FAM168A: variants seen among roughly 807,000 people sequenced by gnomAD.
The protein encoded by FAM168A is family with sequence similarity 168 member A.
Under a neutral mutation model 28.5 loss-of-function variants are expected in FAM168A, and 3 were observed. The ratio of observed to expected loss-of-function variants is 0.11; its 90% CI spans 0.05 to 0.27. The LOEUF (loss-of-function observed/expected upper bound fraction) is 0.27, where lower values mean the gene tolerates loss of function less well. Among genes scored for constraint, FAM168A ranks in the 10% least tolerant of loss-of-function variants. The pLI, the probability that FAM168A is intolerant of heterozygous loss-of-function variation, is 1.00. For missense variants in FAM168A, 222 were observed against 311.5 expected (o/e 0.71, Z 2.16); for synonymous variants, 122 against 124.2 (o/e 0.98, Z 0.12).
At chr11:73,548,952 T>C (rs563159281) in intron 1 of FAM168A, among the ~76,000 whole-genome samples, 3 of 151,952 alleles carry the variant, frequency 2.0e-5, no homozygotes, top group South Asian at 2.1e-4. Context: ...ACATTTCTCT[T>C]TTTTTTTGAG....
chr11:73,410,438 A>G (rs986164310), intron 5 of FAM168A: 2 of 152,068 alleles, frequency 1.3e-5, no homozygotes, highest in African/African-American at 4.8e-5. Context: ...AAAGGCATAC[A>G]TGGATAGCAT....
At chr11:73,537,066 T>C (rs1430739549) in intron 1 of FAM168A, among the ~76,000 whole-genome samples, 2 of 152,144 alleles carry the variant, frequency 1.3e-5, no homozygotes, top group Non-Finnish European at 2.9e-5. Flanking sequence ...CAAAACATGG[T>C]GCTTGAGAAG....
intron 1 of FAM168A, among the ~76,000 whole-genome samples, chr11:73,597,025 T>C (rs1944445985): frequency 6.6e-6 from 1 of 152,134 alleles, no homozygotes; most frequent in Non-Finnish European, 1.5e-5. Context: ...GCCTTGACTC[T>C]GCAACCAAGG....
chr11:73,540,456 A>T (rs1943639607), intron 1 of FAM168A, among the ~76,000 whole-genome samples: 1 of 151,574 alleles, frequency 6.6e-6, no homozygotes, highest in Non-Finnish European at 1.5e-5. Flanking sequence ...ACTAACCCCC[A>T]CTCCCACCCC....
chr11:73,438,784 A>G (rs1217339898), intron 2 of FAM168A, among the ~76,000 whole-genome samples: 6 of 152,208 alleles, frequency 3.9e-5, no homozygotes, highest in African/African-American at 1.4e-4. Flanking sequence ...AAGCTAAAAC[A>G]CTAGCAATAG....
intron 2 of FAM168A, among the ~76,000 whole-genome samples, chr11:73,450,881 G>C (rs1740376878): frequency 6.6e-6 from 1 of 152,170 alleles, no homozygotes; most frequent in South Asian, 2.1e-4. Flanking sequence ...CAAGTCTACA[G>C]TGGAGGTTCT....
intron 1 of FAM168A, among the ~76,000 whole-genome samples, chr11:73,555,917 T>C (rs1196617950): frequency 2.0e-5 from 3 of 152,026 alleles, no homozygotes; most frequent in Non-Finnish European, 4.4e-5. Context: ...CTAAAAATAG[T>C]GGGCATAAAG....
chr11:73,407,735 C>T (rs1169364807), intron 6 of FAM168A, 92 bp from the exon 7 acceptor site: 1 of 1,042,060 alleles, frequency 9.6e-7, no homozygotes, highest in East Asian at 2.7e-5. Context: ...CATGGCTGCT[C>T]CCTCTGCCCA....
chr11:73,429,183 T>G (rs1866940754), intron 3 of FAM168A, among the ~76,000 whole-genome samples: 1 of 152,082 alleles, frequency 6.6e-6, no homozygotes, highest in African/African-American at 2.4e-5. Flanking sequence ...TATTCTTTTC[T>G]CCTTTAAGTA....
At chr11:73,491,069 G>T (rs911285811) in intron 1 of FAM168A, among the ~76,000 whole-genome samples, 2 of 152,114 alleles carry the variant, frequency 1.3e-5, no homozygotes, top group African/African-American at 4.8e-5. Context: ...ACTAATTTCA[G>T]TTGGCCTCAC....
intron 2 of FAM168A, among the ~76,000 whole-genome samples, chr11:73,438,407 G>A (rs949032160): frequency 3.9e-5 from 6 of 152,142 alleles, no homozygotes; most frequent in African/African-American, 1.4e-4. Flanking sequence ...GTTTGTCAAG[G>A]TGCGGAGGGG....
Position 73,498,258 on chromosome 11 carries a change from T to C in FAM168A, c.-18-29766A>G, listed in dbSNP as rs535640488. 3.7e-3 allele frequency among the ~76,000 whole-genome samples: 559 copies of C among 151,808 alleles called. 3 individuals are homozygous for C. The highest frequency in any genetic ancestry group is 0.013 in the African/African-American group (526 of 41,380). The stretch of plus-strand genomic sequence containing the variant: ...TTGACTAGAAGGCTGGCGTGACCCA[T>C]GGAGAAAAGGAAGAGCAGTGCGGTA... On this transcript the variant is annotated intron_variant, in intron 1 of 7. Transcript: ENST00000356467.
chr11:73,511,294 G>A (rs11235784), intron 1 of FAM168A, among the ~76,000 whole-genome samples: 3 of 151,644 alleles, frequency 2.0e-5, no homozygotes, highest in Non-Finnish European at 2.9e-5. Context: ...CTGGAGTGCA[G>A]TGTGCGATCT....
chr11:73,516,015 C>T (rs575816524), intron 1 of FAM168A, among the ~76,000 whole-genome samples: 15 of 151,484 alleles, frequency 9.9e-5, no homozygotes, highest in African/African-American at 2.7e-4. Flanking sequence ...GCAGGAGAAT[C>T]GCTTGAACCC....
intron 1 of FAM168A, among the ~76,000 whole-genome samples, chr11:73,565,909 C>T (rs919797310): frequency 6.6e-6 from 1 of 152,300 alleles, no homozygotes; most frequent in South Asian, 2.1e-4. Flanking sequence ...TGGAGGAAAA[C>T]TTCCACAAGC....
intron 7 of FAM168A, among the ~76,000 whole-genome samples, 181 bp downstream of exon 7, chr11:73,407,332 C>G (rs1386957561): frequency 6.6e-6 from 1 of 152,162 alleles, no homozygotes; most frequent in African/African-American, 2.4e-5. Flanking sequence ...AACAAGCAGT[C>G]AACAGAAGTG....
chr11:73,494,432 T>C (rs1034091126), intron 1 of FAM168A, among the ~76,000 whole-genome samples: 5 of 152,174 alleles, frequency 3.3e-5, no homozygotes, highest in African/African-American at 7.2e-5. Context: ...TCTAAGGCTC[T>C]GAATCAGGAA....
chr11:73,539,935 G>A (rs1230292742), intron 1 of FAM168A, among the ~76,000 whole-genome samples: 1 of 152,222 alleles, frequency 6.6e-6, no homozygotes, highest in African/African-American at 2.4e-5. Context: ...GGAAGCACCA[G>A]AGTAGAGCTA....
In FAM168A at chr11:73,551,547, C is replaced by T. The variant is rs1316731753; in HGVS notation, c.-19+46376G>A. ...TTAACTGCACTCCTTTATTCAATAG[C>T]CATTCCGGATTTCGAACTAAAACTG... On this transcript the variant is annotated intron_variant, in intron 1 of 7. Coordinates refer to ENST00000356467, the MANE Select transcript of FAM168A (RefSeq NM_015159.3). Among the ~76,000 whole-genome samples the T allele has an allele frequency of 3.3e-5, 5 of 152,300 alleles. 1 individual carries two copies. Among genetic ancestry groups the T allele is most frequent in the Admixed American group, 2.6e-4 (4 of 15,294 alleles).
Sources: allele counts gnomAD v4.1 joint callset (sites outside exome capture counted in the v4.1 genomes callset), GRCh38; gene constraint gnomAD v4.1.1; transcripts MANE v1.5; gene names NCBI Gene and HGNC (gene_info 2026-07-23, HGNC 2026-07-21).